The following SLC4A10 variants were observed in gnomAD, a reference collection of about 807,000 sequenced individuals.
SLC4A10 encodes sodium-driven chloride bicarbonate exchanger.
Under a neutral mutation model 137.7 loss-of-function variants are expected in SLC4A10, and 42 were observed. The ratio of observed to expected loss-of-function variants is 0.30; its 90% CI spans 0.24 to 0.39. The LOEUF (loss-of-function observed/expected upper bound fraction) is 0.39, where lower values mean the gene tolerates loss of function less well. Among genes scored for constraint, SLC4A10 ranks in the 10% least tolerant of loss-of-function variants. The pLI is 1.00. For missense variants in SLC4A10, 925 were observed against 1,355.0 expected (o/e 0.68, Z 4.98); for synonymous variants, 474 against 464.1 (o/e 1.02, Z -0.27).
intron 1 of SLC4A10, among the ~76,000 whole-genome samples, chr2:161,671,207 C>G (rs901637633): frequency 1.3e-5 from 2 of 152,114 alleles, no homozygotes; most frequent in Admixed American, 1.3e-4. Flanking sequence ...TTGAGAGGTT[C>G]TCTCCCTTCC....
intron 3 of SLC4A10, among the ~76,000 whole-genome samples, chr2:161,807,792 G>T (rs2056146541): frequency 6.6e-6 from 1 of 151,724 alleles, no homozygotes; most frequent in South Asian, 2.1e-4. Context: ...GTTTTTAATA[G>T]ATTTCTTAAA....
chr2:161,676,242 T>G (rs1271989020), intron 1 of SLC4A10, among the ~76,000 whole-genome samples: 1 of 152,166 alleles, frequency 6.6e-6, no homozygotes, highest in Non-Finnish European at 1.5e-5. Flanking sequence ...TTTGATATTC[T>G]TGGTAGCCCT....
Position 161,842,913 on chromosome 2 carries a change from G to A in SLC4A10, c.416+2986G>A, listed in dbSNP as rs145456277. Among the ~76,000 whole-genome samples, 619 of 152,178 alleles carry A rather than the reference G, an allele frequency of 4.1e-3. 4 individuals carry two copies. The highest frequency in any genetic ancestry group is 9.3e-3 in the South Asian group (45 of 4,824). On this transcript the variant is annotated intron_variant, in intron 4 of 26. Coordinates refer to ENST00000446997, the MANE Select transcript of SLC4A10 (RefSeq NM_001178015.2). ...AAGACCAGAAGCATCTGTCTGCCAC[G>A]AGTTACAAGGAACAGATGTTCCTAT... is the stretch of plus-strand genomic sequence containing the variant.
chr2:161,754,931 T>C (rs1008098463), intron 1 of SLC4A10, among the ~76,000 whole-genome samples: 5 of 152,164 alleles, frequency 3.3e-5, no homozygotes, highest in African/African-American at 1.2e-4. Flanking sequence ...TTAAGGAATT[T>C]AGCCTGTCAA....
Position 161,900,994 on chromosome 2 carries a change from A to G in SLC4A10, c.1425A>G (p.Glu475=). ...AEPHGGHSGP[E]LQRTGRIFGG... is the part of the protein sequence containing the mutation. ...CCCACGGAGGACATAGTGGACCTGA[A>G]CTCCAGCGAACTGGAAGGTTAGTGA... Residue 475 remains glutamate (E), a synonymous_variant, in exon 12 of 27, where the codon GAA becomes GAG. Coordinates refer to ENST00000446997, the MANE Select transcript of SLC4A10 (RefSeq NM_001178015.2). The G allele has an allele frequency of 6.4e-7, 1 of 1,564,294 alleles. No individual in the cohort carries two copies.
chr2:161,953,119 T>C (rs1386356334), intron 19 of SLC4A10, among the ~76,000 whole-genome samples: 1 of 152,220 alleles, frequency 6.6e-6, no homozygotes. Flanking sequence ...GAATCATGTT[T>C]TGTAGTTTAT....
intron 15 of SLC4A10, among the ~76,000 whole-genome samples, chr2:161,938,038 T>C (rs1268296285): frequency 6.6e-6 from 1 of 152,036 alleles, no homozygotes; most frequent in Non-Finnish European, 1.5e-5. Flanking sequence ...TTTGGGAGGC[T>C]GAAGCAGGCA....
chr2:161,926,982 G>T (rs1689268350), intron 15 of SLC4A10, among the ~76,000 whole-genome samples: 2 of 152,038 alleles, frequency 1.3e-5, no homozygotes, highest in South Asian at 4.2e-4. Flanking sequence ...CTCTCTGGCT[G>T]CCCTTAACAT....
At chr2:161,760,283 G>T (rs1433187118) in intron 1 of SLC4A10, among the ~76,000 whole-genome samples, 3 of 151,718 alleles carry the variant, frequency 2.0e-5, no homozygotes, top group Non-Finnish European at 2.9e-5. Context: ...AATTTCTTTA[G>T]ATCTTTTTCC....
At chr2:161,656,869 A>C (rs1020085958) in intron 1 of SLC4A10, among the ~76,000 whole-genome samples, 9 of 152,244 alleles carry the variant, frequency 5.9e-5, no homozygotes, top group African/African-American at 2.2e-4. Flanking sequence ...ATTTGATTTT[A>C]CATATTTCAT....
intron 6 of SLC4A10, among the ~76,000 whole-genome samples, chr2:161,866,992 A>G (rs1478336948): frequency 2.0e-5 from 3 of 151,712 alleles, no homozygotes; most frequent in African/African-American, 7.3e-5. Context: ...GTCTCTCCTA[A>G]TCTGAATACT....
At chr2:161,672,926 G>A (rs1022279707) in intron 1 of SLC4A10, among the ~76,000 whole-genome samples, 1 of 152,160 alleles carries the variant, frequency 6.6e-6, no homozygotes, top group Non-Finnish European at 1.5e-5. Flanking sequence ...GGATGGTACA[G>A]TTCTGGAAAT....
chr2:161,870,422 A>G (rs186167302), intron 6 of SLC4A10, among the ~76,000 whole-genome samples: 3 of 151,902 alleles, frequency 2.0e-5, no homozygotes, highest in East Asian at 1.9e-4. Flanking sequence ...TTGTTCTTCC[A>G]TGTAGATTTA....
intron 1 of SLC4A10, among the ~76,000 whole-genome samples, chr2:161,723,874 C>G (rs3903713): frequency 6.6e-6 from 1 of 152,088 alleles, no homozygotes; most frequent in African/African-American, 2.4e-5. Context: ...TAGCTGAAAT[C>G]TATACCTTAA....
chr2:161,925,828 G>A (rs1688965262), intron 15 of SLC4A10, among the ~76,000 whole-genome samples: 1 of 152,090 alleles, frequency 6.6e-6, no homozygotes, highest in African/African-American at 2.4e-5. Flanking sequence ...TCATTCAGGA[G>A]CAGGTTGTTC....
At chr2:161,928,413 C>G (rs891740762) in intron 15 of SLC4A10, among the ~76,000 whole-genome samples, 2 of 147,382 alleles carry the variant, frequency 1.4e-5, no homozygotes, top group African/African-American at 5.0e-5. Flanking sequence ...AGGAGATATA[C>G]CTAATGCTAA....
chr2:161,971,887 C>A (rs922489110), intron 23 of SLC4A10, among the ~76,000 whole-genome samples: 1 of 152,182 alleles, frequency 6.6e-6, no homozygotes, highest in African/African-American at 2.4e-5. Flanking sequence ...CACATGCTAA[C>A]AAGCCACAGA....
At chr2:161,863,831 T>C (rs867032137) in intron 6 of SLC4A10, among the ~76,000 whole-genome samples, 2 of 152,322 alleles carry the variant, frequency 1.3e-5, no homozygotes, top group South Asian at 4.1e-4. Context: ...ATCCATCCTT[T>C]CTATTAGTCT....
intron 3 of SLC4A10, 97 bp downstream of exon 3, chr2:161,804,692 G>A (rs1205000316): frequency 1.7e-6 from 2 of 1,143,108 alleles, no homozygotes. Flanking sequence ...TCATAAAATT[G>A]TTTATACTTT....
Sources: gnomAD v4.1 joint callset for allele counts (sites outside exome capture counted in the v4.1 genomes callset) on GRCh38, gnomAD v4.1.1 for gene constraint, MANE v1.5 for transcripts, NCBI Gene and HGNC (gene_info 2026-07-23, HGNC 2026-07-21) for gene names.